NLGN1: variants seen among roughly 807,000 people sequenced by gnomAD.
The protein encoded by NLGN1 is neuroligin-1.
NLGN1 carries 12 observed loss-of-function variants against 65.5 expected under a neutral mutation model. That is an observed-to-expected ratio of 0.18 (90% CI 0.12 to 0.30). The LOEUF (loss-of-function observed/expected upper bound fraction) is 0.30. NLGN1 is among the 10% of genes least tolerant of loss of function. The probability of loss-of-function intolerance (pLI) is 1.00; values close to 1 mark genes in which losing one functional copy is unlikely to be tolerated. For missense variants in NLGN1, 750 were observed against 1,007.1 expected (o/e 0.74, Z 3.46); for synonymous variants, 350 against 359.5 (o/e 0.97, Z 0.30).
chr3:173,750,100 G>C (rs1356410859), intron 3 of NLGN1, among the ~76,000 whole-genome samples: 1 of 151,992 alleles, frequency 6.6e-6, no homozygotes, highest in South Asian at 2.1e-4. Context: ...CCCATCATAG[G>C]CTTCCTTCCC....
chr3:173,506,066 A>T (rs942844542), intron 2 of NLGN1, among the ~76,000 whole-genome samples: 5 of 152,122 alleles, frequency 3.3e-5, no homozygotes, highest in Admixed American at 3.3e-4. Flanking sequence ...ATGAAAATAT[A>T]CATTTTTGCT....
intron 2 of NLGN1, among the ~76,000 whole-genome samples, chr3:173,569,988 T>G (rs767371721): frequency 3.1e-4 from 47 of 152,188 alleles, no homozygotes; most frequent in Non-Finnish European, 6.0e-4. Flanking sequence ...AAGGTAGGAA[T>G]GTAGATAAAA....
chr3:174,017,222 G>A (rs978500407), intron 4 of NLGN1, among the ~76,000 whole-genome samples: 14 of 152,088 alleles, frequency 9.2e-5, no homozygotes, highest in African/African-American at 3.4e-4. Context: ...TATTTAGCTT[G>A]TTTATTCACT....
At position 173,848,910 on chromosome 3, in the gene NLGN1, A is replaced by T. The variant is rs555438521; in HGVS notation, c.646+41078A>T. Among the ~76,000 whole-genome samples the T allele has an allele frequency of 2.2e-4, 33 of 152,296 alleles. No individual in the cohort carries two copies. The East Asian group carries it at 6.2e-3, about 29-fold the overall frequency. ...AATTACCTGCGATAGATTTCTTTTT[A>T]AACAAAACTCATAAGGTGTTGCAAA... is the stretch of plus-strand genomic sequence containing the variant. On this transcript the variant is annotated intron_variant, in intron 4 of 6. Coordinates refer to ENST00000457714, the Ensembl canonical transcript of NLGN1.
intron 3 of NLGN1, among the ~76,000 whole-genome samples, chr3:173,650,222 A>C (rs939220195): frequency 1.3e-5 from 2 of 152,060 alleles, no homozygotes; most frequent in African/African-American, 4.8e-5. Flanking sequence ...CTTCCTACTC[A>C]TCATTATTCA....
intron 4 of NLGN1, among the ~76,000 whole-genome samples, chr3:173,861,215 A>C (rs1170090624): frequency 1.3e-5 from 2 of 152,120 alleles, no homozygotes; most frequent in African/African-American, 2.4e-5. Context: ...AACAAATTAA[A>C]TGGTAGAAAA....
intron 3 of NLGN1, among the ~76,000 whole-genome samples, chr3:173,675,252 A>G (rs563295652): frequency 6.6e-6 from 1 of 152,264 alleles, no homozygotes; most frequent in South Asian, 2.1e-4. Context: ...TTTATTTAAC[A>G]TGGATGAACA....
intron 4 of NLGN1, among the ~76,000 whole-genome samples, chr3:173,946,459 AT>A (rs1022940598): frequency 6.6e-6 from 1 of 152,212 alleles, no homozygotes; most frequent in African/African-American, 2.4e-5. Context: ...TTACAGCACT[AT>A]TTTTAATATC....
At chr3:173,429,779 A>G (rs976010361) in intron 1 of NLGN1, among the ~76,000 whole-genome samples, 3 of 152,038 alleles carry the variant, frequency 2.0e-5, no homozygotes, top group Non-Finnish European at 4.4e-5. Context: ...CCCATCCCAG[A>G]TTGGGGCTGG....
At chr3:174,172,936 T>A (rs2152736262) in intron 4 of NLGN1, among the ~76,000 whole-genome samples, 1 of 152,256 alleles carries the variant, frequency 6.6e-6, no homozygotes, top group East Asian at 1.9e-4. Flanking sequence ...ACAATTTTTC[T>A]TCCAATCCAT....
At chr3:173,832,834 C>T (rs1225170501) in intron 4 of NLGN1, among the ~76,000 whole-genome samples, 2 of 151,978 alleles carry the variant, frequency 1.3e-5, no homozygotes. Flanking sequence ...TCTTTAGTGG[C>T]AACAATTATT....
intron 4 of NLGN1, among the ~76,000 whole-genome samples, chr3:173,870,754 G>A (rs1328562066): frequency 2.0e-5 from 3 of 152,200 alleles, no homozygotes; most frequent in African/African-American, 7.2e-5. Flanking sequence ...AAAGTACACT[G>A]TGATCGAATG....
intron 3 of NLGN1, among the ~76,000 whole-genome samples, chr3:173,634,084 A>G (rs930366737): frequency 3.9e-5 from 6 of 152,076 alleles, no homozygotes; most frequent in Non-Finnish European, 8.8e-5. Context: ...CTAAATCCAC[A>G]TTTTTAATTA....
chr3:173,744,612 A>G (rs1775089825), intron 3 of NLGN1, among the ~76,000 whole-genome samples: 1 of 152,146 alleles, frequency 6.6e-6, no homozygotes, highest in African/African-American at 2.4e-5. Flanking sequence ...AATAGGCAAT[A>G]TCTTCACTAC....
chr3:173,998,112 G>A (rs1415776064), intron 4 of NLGN1, among the ~76,000 whole-genome samples: 1 of 152,110 alleles, frequency 6.6e-6, no homozygotes, highest in African/African-American at 2.4e-5. Context: ...TTTTATGAAG[G>A]AGAAAAGTAA....
chr3:173,613,320 A>G (rs1752587533), intron 3 of NLGN1, among the ~76,000 whole-genome samples: 1 of 152,132 alleles, frequency 6.6e-6, no homozygotes, highest in Non-Finnish European at 1.5e-5. Flanking sequence ...TGAGACTCCT[A>G]TTCAAATCAA....
At chr3:173,953,347 T>G (rs767400077) in intron 4 of NLGN1, among the ~76,000 whole-genome samples, 6 of 152,124 alleles carry the variant, frequency 3.9e-5, no homozygotes, top group Admixed American at 6.6e-5. Flanking sequence ...AAAATAATAC[T>G]TATTGATTTT....
At chr3:173,710,021 C>T (rs1768706489) in intron 3 of NLGN1, among the ~76,000 whole-genome samples, 1 of 151,946 alleles carries the variant, frequency 6.6e-6, no homozygotes. Flanking sequence ...ACCTACTGTT[C>T]ATCTAATATT....
chr3:173,621,688 C>T (rs1754016514), intron 3 of NLGN1, among the ~76,000 whole-genome samples: 1 of 152,008 alleles, frequency 6.6e-6, no homozygotes. Flanking sequence ...AGAGACATTT[C>T]AAAGCAGAAA....
Sources: allele counts gnomAD v4.1 joint callset (sites outside exome capture counted in the v4.1 genomes callset), GRCh38; gene constraint gnomAD v4.1.1; transcripts MANE v1.5; gene names NCBI Gene and HGNC (gene_info 2026-07-23, HGNC 2026-07-21).